Variants in COL4A1 observed in about 807,000 individuals in gnomAD.
COL4A1 encodes collagen type IV alpha 1 chain, also known as collagen alpha-1(IV) chain.
In COL4A1, 40 loss-of-function variants were observed where a neutral mutation model predicts 216.6. The ratio of observed to expected loss-of-function variants is 0.18; its 90% CI spans 0.14 to 0.24. The LOEUF (loss-of-function observed/expected upper bound fraction) is 0.24. Ranked by LOEUF, COL4A1 falls within the 10% of genes least tolerant of loss-of-function variation. The pLI is 1.00. For synonymous variants in COL4A1, 839 were observed against 810.7 expected, an observed-to-expected ratio of 1.03 and a Z score of -0.59; for missense variants, 1,628 against 2,196.8, an observed-to-expected ratio of 0.74 and a Z score of 5.18.
chr13:110,184,760 G>A (rs1878328221), intron 26 of COL4A1, among the ~76,000 whole-genome samples: 2 of 152,056 alleles, frequency 1.3e-5, no homozygotes, highest in Admixed American at 1.3e-4. Context: ...ATCCAGGCTG[G>A]AACGCAATGG....
chr13:110,269,048 GC>G (rs975541452), intron 1 of COL4A1, among the ~76,000 whole-genome samples: 1 of 152,200 alleles, frequency 6.6e-6, no homozygotes, highest in African/African-American at 2.4e-5. Flanking sequence ...ATGACCCGGA[GC>G]CACTTGGAAA....
At chr13:110,156,579 C>T (rs1876797173) in intron 49 of COL4A1, among the ~76,000 whole-genome samples, 1 of 152,152 alleles carries the variant, frequency 6.6e-6, no homozygotes, top group East Asian at 1.9e-4. Flanking sequence ...TTCAGCTCAG[C>T]CTTGGGACTG....
intron 1 of COL4A1, among the ~76,000 whole-genome samples, chr13:110,258,852 G>C (rs986910725): frequency 1.3e-5 from 2 of 152,118 alleles, no homozygotes; most frequent in East Asian, 1.9e-4. Context: ...AATAAGTTCA[G>C]CATAGTTTTA....
Position 110,186,492 on chromosome 13 carries a change from C to T in COL4A1, c.1790G>A (p.Arg597His), listed in dbSNP as rs369724575. Residue 597 changes from arginine (R) to histidine (H), a missense_variant, in exon 26 of 52, where the codon CGT (arginine) becomes CAT (histidine). Around this residue, in one of 8 missense-constraint regions of COL4A1, gnomAD observed 701 missense variants for 892.5 expected, o/e 0.79. Transcript: ENST00000375820. The stretch of plus-strand genomic sequence containing the variant: ...AGGCCCAGGGGGGCCGGTGTCACCA[C>T]GACTGCCTGGGAATCCAACTCCTCC... ...PPGGVGFPGS[R>H]GDTGPPGPPG... 1.1e-5 allele frequency: 17 copies of T among 1,613,714 alleles called. No individual in the cohort carries two copies. The highest frequency in any genetic ancestry group is 4.5e-5 in the East Asian group (2 of 44,872).
In COL4A1 at chr13:110,219,672, A is replaced by ATG. The variant is rs1566384773; in HGVS notation, c.145-5658_145-5657insCA. Among the ~76,000 whole-genome samples the ATG allele has an allele frequency of 7.5e-4, 58 of 77,692 alleles. 1 individual carries two copies. Among genetic ancestry groups the ATG allele is most frequent in the African/African-American group, 2.5e-3 (56 of 22,652 alleles). The allele number at this position is 77,692 out of a possible 152,430, so 51.0% of individuals were successfully genotyped here. On this transcript the variant is annotated intron_variant, in intron 2 of 51. Coordinates refer to ENST00000375820, the MANE Select transcript of COL4A1 (RefSeq NM_001845.6). ...AATATATATATATATGTATATATAT[A>ATG]TATATGTGTATATATATGTATATAT...
intron 36 of COL4A1, among the ~76,000 whole-genome samples, chr13:110,176,146 A>G (rs988929380): frequency 6.6e-6 from 1 of 152,210 alleles, no homozygotes; most frequent in Non-Finnish European, 1.5e-5. Context: ...GATCCTAGAC[A>G]AGGGGATGGT....
intron 2 of COL4A1, among the ~76,000 whole-genome samples, chr13:110,228,702 C>T (rs1880864814): frequency 6.6e-6 from 1 of 152,152 alleles, no homozygotes; most frequent in Admixed American, 6.5e-5. Context: ...CGGCCTTATC[C>T]AATAGGAAGC....
At position 110,208,894 on chromosome 13, in the gene COL4A1, T is replaced by C; in HGVS notation, c.652-4A>G. On this transcript the variant is annotated splice_region_variant and splice_polypyrimidine_tract_variant and intron_variant, in intron 11 of 51. Coordinates refer to ENST00000375820, the MANE Select transcript of COL4A1 (RefSeq NM_001845.6). ...GAAAACTTAAGCCCATTTGTCCCTG[T>C]GGATTAAAAATTAGGCTCTCATTAT... 2 of 1,614,094 alleles carry C rather than the reference T, an allele frequency of 1.2e-6. No homozygotes were observed. Among genetic ancestry groups the C allele is most frequent in the Non-Finnish European group, 1.7e-6 (2 of 1,179,946 alleles).
intron 2 of COL4A1, among the ~76,000 whole-genome samples, chr13:110,232,601 A>G (rs1881113242): frequency 6.6e-6 from 1 of 152,154 alleles, no homozygotes; most frequent in Non-Finnish European, 1.5e-5. Flanking sequence ...CCTGCCAGCC[A>G]ATGTTTTGTC....
At chr13:110,182,001 G>C (rs979010313) in intron 28 of COL4A1, among the ~76,000 whole-genome samples, 1 of 152,240 alleles carries the variant, frequency 6.6e-6, no homozygotes, top group African/African-American at 2.4e-5. Flanking sequence ...TCTTCTGTGA[G>C]GCTGCTGCAC....
In COL4A1 at chr13:110,207,350, G is replaced by T; in HGVS notation, c.780+53C>A. 6.8e-7 allele frequency: 1 copy of T among 1,478,240 alleles called. No individual in the cohort carries two copies. The highest frequency in any genetic ancestry group is 9.5e-7 in the Non-Finnish European group (1 of 1,055,992). The allele number at this position is 1,478,240 out of a possible 1,614,324, so 91.6% of individuals were successfully genotyped here. On this transcript the variant is annotated intron_variant, in intron 13 of 51. Coordinates refer to ENST00000375820, the MANE Select transcript of COL4A1 (RefSeq NM_001845.6). This position sits in a 1 kb window ranked among gnomAD's most constrained non-coding sequence, Gnocchi z 4.4. ...TTGACCCATTTTCTCTTTATCTTTT[G>T]GAATTTGTCCAAAATTAGAAAATCA... is the stretch of plus-strand genomic sequence containing the variant.
At chr13:110,176,043 C>T (rs904890171) in intron 36 of COL4A1, among the ~76,000 whole-genome samples, 16 of 152,136 alleles carry the variant, frequency 1.1e-4, no homozygotes, top group Non-Finnish European at 1.6e-4. Context: ...CAGAGGAGTC[C>T]GGAGAATTCT....
intron 20 of COL4A1, among the ~76,000 whole-genome samples, chr13:110,200,039 TGGAAA>T (rs1879106108): frequency 6.6e-6 from 1 of 152,042 alleles, no homozygotes; most frequent in South Asian, 2.1e-4. Context: ...TTAGACCAGC[TGGAAA>T]GGAAACAAAT....
At position 110,182,995 on chromosome 13, in the gene COL4A1, T is replaced by C. The variant is rs375318302; in HGVS notation, c.2093A>G (p.Lys698Arg). 45 of 1,611,994 alleles carry C rather than the reference T, an allele frequency of 2.8e-5. No individual in the cohort carries two copies. The African/African-American group carries it at 5.1e-4, about 18-fold the overall frequency. The change falls in exon 28 of 52, where the codon AAA becomes AGA. Residue 698 changes from lysine (K) to arginine (R), a missense_variant and splice_region_variant. By Grantham distance (26) the Lys-to-Arg change is conservative. Around this residue, in one of 8 missense-constraint regions of COL4A1, gnomAD observed 701 missense variants for 892.5 expected, o/e 0.79. Transcript: ENST00000375820. ...GIGFPGPPGP[K>R]GVDGLPGDMG... ...TCGGGTCCGTCTGGCAGGGTTACCT[T>C]TGGGGCCGGGGGGCCCTGGAAATCC...
intron 47 of COL4A1, among the ~76,000 whole-genome samples, chr13:110,163,157 T>C (rs771646066): frequency 6.6e-5 from 10 of 152,236 alleles, no homozygotes; most frequent in Non-Finnish European, 8.8e-5. Flanking sequence ...TGTCCTTTGC[T>C]GAAATAGAAT....
At chr13:110,202,183 T>C (rs1269216191) in intron 18 of COL4A1, among the ~76,000 whole-genome samples, 1 of 148,290 alleles carries the variant, frequency 6.7e-6, no homozygotes, top group Non-Finnish European at 1.5e-5. Context: ...TAATTGTACA[T>C]ACTAGCCATA....
At chr13:110,198,412 C>T (rs1371517915) in intron 21 of COL4A1, 55 bp downstream of exon 21, 10 of 1,607,150 alleles carry the variant, frequency 6.2e-6, no homozygotes, top group South Asian at 4.4e-5. Flanking sequence ...TGGGTCTGCC[C>T]GGCACCCTGG....
rs2138415022 is a variant in COL4A1, at chr13:110,149,959, T to C, written c.*404A>G. On this transcript the variant is annotated 3_prime_UTR_variant, in exon 52 of 52. Coordinates refer to ENST00000375820, the MANE Select transcript of COL4A1 (RefSeq NM_001845.6). ...AAATTTTGAAACAGCTAGACAGTGA[T>C]ATAAACAAACATTTATCTCTGGGGG... 1 of 328,924 alleles carries C rather than the reference T, an allele frequency of 3.0e-6. No individual in the cohort carries two copies. Among genetic ancestry groups the C allele is most frequent in the East Asian group, 7.9e-5 (1 of 12,672 alleles). The allele number at this position is 328,924 out of a possible 1,614,324, so 20.4% of individuals were successfully genotyped here.
At chr13:110,247,046 G>C (rs1462495694) in intron 1 of COL4A1, among the ~76,000 whole-genome samples, 1 of 152,168 alleles carries the variant, frequency 6.6e-6, no homozygotes, top group Middle Eastern at 3.2e-3. Flanking sequence ...CCAGACCAAT[G>C]TGGAAAAAGA....
Sources: allele counts gnomAD v4.1 joint callset (sites outside exome capture counted in the v4.1 genomes callset), GRCh38; gene constraint gnomAD v4.1.1; regional missense constraint gnomAD v4.1.1; non-coding constraint Gnocchi (gnomAD v3.1); transcripts MANE v1.5; gene names NCBI Gene and HGNC (gene_info 2026-07-23, HGNC 2026-07-21).